GNGT2: variants seen among roughly 807,000 people sequenced by gnomAD.
GNGT2 encodes the protein guanine nucleotide-binding protein G(I)/G(S)/G(O) subunit gamma-T2.
Under a neutral mutation model 3.5 loss-of-function variants are expected in GNGT2, and 4 were observed. That is an observed-to-expected ratio of 1.13 (90% CI 0.56 to 2.59). The LOEUF is 2.59. Ranked by LOEUF, GNGT2 falls within the 30% of genes most tolerant of loss-of-function variation. The probability of loss-of-function intolerance (pLI) is 0.02; values close to 1 mark genes in which losing one functional copy is unlikely to be tolerated. For synonymous variants in GNGT2, 31 were observed against 29.5 expected (o/e 1.05, Z -0.17); for missense variants, 64 against 81.2 (o/e 0.79, Z 0.82).
In GNGT2 at chr17:49,206,583, AT is replaced by A; in HGVS notation, c.*173del. 1 of 613,426 alleles carries A rather than the reference AT, an allele frequency of 1.6e-6. No homozygotes were observed. Among genetic ancestry groups the A allele is most frequent in the Non-Finnish European group, 2.8e-6 (1 of 357,984 alleles). 38.0% of individuals were successfully genotyped at this position (613,426 alleles called of 1,614,324 possible). Reference sequence around the variant, plus strand: ...AGAGACCCAGCAGGTGGAGGAAATAATGGGAGAAAAGAGTTGAAGGTGGGAG... The same window carrying A: ...AGAGACCCAGCAGGTGGAGGAAATAAGGGAGAAAAGAGTTGAAGGTGGGAG... On this transcript the variant is annotated 3_prime_UTR_variant, in exon 4 of 4. Coordinates refer to ENST00000507680, the MANE Select transcript of GNGT2 (RefSeq NM_001198754.2).
chr17:49,207,225 C>T (rs1375359930), intron 3 of GNGT2, 114 bp downstream of exon 3: 20 of 832,648 alleles, frequency 2.4e-5, no homozygotes, highest in Non-Finnish European at 3.5e-5. Flanking sequence ...AGAGGTACCT[C>T]CTGCTGCTTC....
chr17:49,206,468 G>T lies in GNGT2; in HGVS notation c.*289C>A, dbSNP rs1186932760. On this transcript the variant is annotated 3_prime_UTR_variant, in exon 4 of 4. Transcript: ENST00000507680. The stretch of plus-strand genomic sequence containing the variant: ...CTAAGGACTGCCCTCTGGGGTCTTG[G>T]GGTATTGCAGGCTTCTCACACCCCA... The T allele has an allele frequency of 5.4e-6, 2 of 367,944 alleles. No individual in the cohort carries two copies. Among genetic ancestry groups the T allele is most frequent in the Admixed American group, 4.9e-5 (1 of 20,258 alleles). 22.8% of individuals were successfully genotyped at this position (367,944 alleles called of 1,614,324 possible).
chr17:49,208,474 AAGAG>A (rs1193953698), intron 2 of GNGT2, among the ~76,000 whole-genome samples: 2 of 150,884 alleles, frequency 1.3e-5, no homozygotes, highest in East Asian at 3.9e-4. Context: ...AAAAAAAAAA[AAGAG>A]AGAGAGAGAG....
intron 2 of GNGT2, among the ~76,000 whole-genome samples, chr17:49,208,223 G>A (rs1435413035): frequency 6.6e-6 from 1 of 152,056 alleles, no homozygotes; most frequent in East Asian, 1.9e-4. Context: ...CACTTTGGGA[G>A]GCTGAGACAG....
rs948657219 is a variant in GNGT2 at position 49,210,432 on chromosome 17, A to G, written c.-133+12T>C. 27 of 297,042 alleles carry G rather than the reference A, an allele frequency of 9.1e-5. No homozygotes were observed. Among genetic ancestry groups the G allele is most frequent in the Non-Finnish European group, 1.5e-4 (24 of 158,612 alleles). The allele number at this position is 297,042 out of a possible 1,614,324, so 18.4% of individuals were successfully genotyped here. A position where few individuals can be genotyped will look rare whatever the true frequency, so the allele number is the denominator to read the frequency against. Reference sequence around the variant, plus strand: ...CTCTCCAGGACCAGGGAGCAATCACAGCTGCCCCGACCTTGGCTTCCTCTG... The same window carrying G: ...CTCTCCAGGACCAGGGAGCAATCACGGCTGCCCCGACCTTGGCTTCCTCTG... On this transcript the variant is annotated intron_variant, in intron 1 of 3. Transcript: ENST00000507680. This position sits in a 1 kb window ranked among gnomAD's most constrained non-coding sequence, Gnocchi z 4.2.
At chr17:49,207,684 G>C (rs1209638079) in intron 2 of GNGT2, among the ~76,000 whole-genome samples, 2 of 152,210 alleles carry the variant, frequency 1.3e-5, no homozygotes, top group Non-Finnish European at 2.9e-5. Context: ...GTCTATGGAG[G>C]AAATTTGGAT....
intron 3 of GNGT2, 88 bp from the exon 4 acceptor site, chr17:49,206,970 A>C: frequency 7.0e-7 from 1 of 1,435,990 alleles, no homozygotes; most frequent in Non-Finnish European, 9.8e-7. Flanking sequence ...GCTTCTGGGC[A>C]GGGCAGAGAC....
At chr17:49,209,880 C>G (rs945336233) in intron 1 of GNGT2, among the ~76,000 whole-genome samples, 1 of 152,154 alleles carries the variant, frequency 6.6e-6, no homozygotes, top group Admixed American at 6.5e-5. Flanking sequence ...CAGCCCATAC[C>G]TCCTAGGCAG....
rs2043151408 is a variant in GNGT2 at position 49,210,422 on chromosome 17, G to A, written c.-133+22C>T. 19 of 269,474 alleles carry A rather than the reference G, an allele frequency of 7.1e-5. No homozygotes were observed. The South Asian group carries it at 2.1e-3, about 30-fold the overall frequency. The allele number at this position is 269,474 out of a possible 1,614,324, so 16.7% of individuals were successfully genotyped here. On this transcript the variant is annotated intron_variant, in intron 1 of 3. Transcript: ENST00000507680. This position sits in a 1 kb window ranked among gnomAD's most constrained non-coding sequence, Gnocchi z 4.2. Reference sequence around the variant, plus strand: ...GACCAGTTTCCTCTCCAGGACCAGGGAGCAATCACAGCTGCCCCGACCTTG... The same window carrying A: ...GACCAGTTTCCTCTCCAGGACCAGGAAGCAATCACAGCTGCCCCGACCTTG...
chr17:49,208,383 C>T (rs2043124666), intron 2 of GNGT2, among the ~76,000 whole-genome samples: 2 of 151,658 alleles, frequency 1.3e-5, no homozygotes, highest in Non-Finnish European at 2.9e-5. Context: ...ATCACTTGAA[C>T]CCAGAAGACG....
rs12941320 is a variant in GNGT2 at position 49,207,509 on chromosome 17, G to C, written c.-22-65C>G. 7.6e-4 allele frequency: 656 copies of C among 862,804 alleles called. 3 individuals carry two copies. The African/African-American group carries it at 9.4e-3, about 12-fold the overall frequency. 53.4% of individuals were successfully genotyped at this position (862,804 alleles called of 1,614,324 possible). On this transcript the variant is annotated intron_variant, in intron 2 of 3. Coordinates refer to ENST00000507680, the MANE Select transcript of GNGT2 (RefSeq NM_001198754.2). ...GCTCTTCCAGCTCCCTCCACACCTC[G>C]ACTTCTAGCATCTTCCCTGCCATAT...
intron 2 of GNGT2, among the ~76,000 whole-genome samples, chr17:49,208,452 A>C: frequency 6.7e-6 from 1 of 148,644 alleles, no homozygotes; most frequent in African/African-American, 2.5e-5. Flanking sequence ...CAAGAGTGAG[A>C]CTCCATCTCA....
In GNGT2 at chr17:49,206,652, C is replaced by T; in HGVS notation, c.*105G>A. On this transcript the variant is annotated 3_prime_UTR_variant, in exon 4 of 4. Coordinates refer to ENST00000507680, the MANE Select transcript of GNGT2 (RefSeq NM_001198754.2). ...ATGCATTTGTTCAGGGATCTTTACTCATTCTGTGATGAAGAGAAGGTGACA... is the reference window on the plus strand; with the variant it reads ...ATGCATTTGTTCAGGGATCTTTACTTATTCTGTGATGAAGAGAAGGTGACA... The T allele has an allele frequency of 2.0e-6, 2 of 1,017,534 alleles. No individual in the cohort carries two copies. Among genetic ancestry groups the T allele is most frequent in the Non-Finnish European group, 2.9e-6 (2 of 680,362 alleles). The allele number at this position is 1,017,534 out of a possible 1,614,324, so 63.0% of individuals were successfully genotyped here.
rs747933291 is a variant in GNGT2, at chr17:49,206,847, C to T, written c.120G>A (p.Val40=). ...SKAGKEIKEY[V]EAQAGNDPFL... ...AAGGATCGTTTCCTGCTTGGGCCTC[C>T]ACGTACTCCTTGATTTCCTTTCCCG... The change falls in exon 4 of 4, where the codon GTG becomes GTA. Residue 40 remains valine (V), a synonymous_variant. Transcript: ENST00000507680. The T allele has an allele frequency of 3.7e-6, 6 of 1,613,812 alleles. No homozygotes were observed. In the South Asian group the frequency reaches 5.5e-5, roughly 15 times the overall value.
intron 3 of GNGT2, 49 bp from the exon 4 acceptor site, chr17:49,206,931 C>A: frequency 6.2e-7 from 1 of 1,609,074 alleles, no homozygotes; most frequent in South Asian, 1.1e-5. Flanking sequence ...GTCTCTGGGT[C>A]CATGATTTGG....
At chr17:49,208,203 G>A (rs1173791668) in intron 2 of GNGT2, among the ~76,000 whole-genome samples, 1 of 151,364 alleles carries the variant, frequency 6.6e-6, no homozygotes, top group Admixed American at 6.6e-5. Flanking sequence ...GCTCATGCCT[G>A]TAATCCCAGC....
rs1448972238 is a variant in GNGT2, at chr17:49,207,362, C to T, written c.61G>A (p.Glu21Lys). 2.5e-6 allele frequency: 4 copies of T among 1,613,532 alleles called. No homozygotes were observed. In the South Asian group the frequency reaches 3.3e-5, roughly 13 times the overall value. Residue 21 changes from glutamate to lysine, a missense_variant, in exon 3 of 4, where the codon GAA (glutamate) becomes AAA (lysine). Transcript: ENST00000507680. ...ACCGGAATTCTTGTGTTTTTCACTT[C>T]TTTCTTCAGCTGCTCCACCTCCATC... ...LKMEVEQLKK[E>K]VKNTRIPISK... is the part of the protein sequence containing the mutation.
rs367999292 is a variant in GNGT2, at chr17:49,210,065, C to T, written c.-133+379G>A. ...GCACAGAGCGTGTAGGGCAGATCTT[C>T]ATCACACACAACCCTTCGCAGGCTT... On this transcript the variant is annotated intron_variant, in intron 1 of 3. Coordinates refer to ENST00000507680, the MANE Select transcript of GNGT2 (RefSeq NM_001198754.2). This position sits in a 1 kb window ranked among gnomAD's most constrained non-coding sequence, Gnocchi z 4.2. Among the ~76,000 whole-genome samples the T allele has an allele frequency of 6.6e-6, 1 of 151,954 alleles. No homozygotes were observed. Among genetic ancestry groups the T allele is most frequent in the African/African-American group, 2.4e-5 (1 of 41,368 alleles).
At position 49,206,279 on chromosome 17, in the gene GNGT2, T is replaced by C. The variant is rs1321926009; in HGVS notation, c.*478A>G. 6.5e-6 allele frequency: 1 copy of C among 154,538 alleles called. No homozygotes were observed. The highest frequency in any genetic ancestry group is 1.4e-5 in the Non-Finnish European group (1 of 69,866). The allele number at this position is 154,538 out of a possible 1,614,324, so 9.6% of individuals were successfully genotyped here. ...GTTGTCATCAGGCCATCTGGGGTGATCTAAATGACTAGGAACAGGACCATA... is the reference window on the plus strand; with the variant it reads ...GTTGTCATCAGGCCATCTGGGGTGACCTAAATGACTAGGAACAGGACCATA... On this transcript the variant is annotated 3_prime_UTR_variant, in exon 4 of 4. Transcript: ENST00000507680.
Sources: gnomAD v4.1 joint callset for allele counts (sites outside exome capture counted in the v4.1 genomes callset) on GRCh38, gnomAD v4.1.1 for gene constraint, Gnocchi (gnomAD v3.1) non-coding constraint, MANE v1.5 for transcripts, NCBI Gene and HGNC (gene_info 2026-07-23, HGNC 2026-07-21) for gene names.